NISCH: variants seen among roughly 807,000 people sequenced by gnomAD.
The protein encoded by NISCH is I-1 receptor candidate protein.
Under a neutral mutation model 138.4 loss-of-function variants are expected in NISCH, and 55 were observed. The observed-to-expected ratio is 0.40, with a 90% CI of 0.32 to 0.50. The LOEUF (loss-of-function observed/expected upper bound fraction) is 0.50. Ranked by LOEUF, NISCH falls within the 20% of genes least tolerant of loss-of-function variation. NISCH has a pLI of 0.71. For synonymous variants in NISCH, 860 were observed against 861.5 expected (o/e 1.00, Z 0.03); for missense variants, 1,643 against 2,005.5 (o/e 0.82, Z 3.45).
chr3:52,457,140 CT>C (rs1240354120), intron 1 of NISCH, among the ~76,000 whole-genome samples: 1 of 152,188 alleles, frequency 6.6e-6, no homozygotes, highest in Non-Finnish European at 1.5e-5. Flanking sequence ...GGAACTAAGG[CT>C]CAGAGAGAAC....
chr3:52,489,608 C>A lies in NISCH; in HGVS notation c.3386C>A (p.Pro1129Gln). 6.2e-7 allele frequency: 1 copy of A among 1,613,120 alleles called. No homozygotes were observed. Among genetic ancestry groups the A allele is most frequent in the Admixed American group, 1.7e-5 (1 of 60,030 alleles). Reference sequence around the variant, plus strand: ...ATCCCCTCGCACTTGCCTGCCTGCCCGTCGCTCCGGCACGTCGCCAGCCTG... The same window carrying A: ...ATCCCCTCGCACTTGCCTGCCTGCCAGTCGCTCCGGCACGTCGCCAGCCTG... ...NQIPSHLPAC[P>Q]SLRHVASLRG... Residue 1129 changes from proline (P) to glutamine (Q), a missense_variant, in exon 17 of 21, where the codon CCG becomes CAG. By Grantham distance (76) the Pro-to-Gln change is moderately conservative. Transcript: ENST00000345716.
chr3:52,485,691 G>T, intron 14 of NISCH, 87 bp from the exon 15 acceptor site: 1 of 1,443,832 alleles, frequency 6.9e-7, no homozygotes, highest in Non-Finnish European at 9.5e-7. Flanking sequence ...ATGGAGGGCA[G>T]AATGCCCAGC....
At chr3:52,473,672 A>G (rs1310467737) in intron 6 of NISCH, 62 bp from the exon 7 acceptor site, 8 of 1,220,034 alleles carry the variant, frequency 6.6e-6, no homozygotes, top group Non-Finnish European at 8.3e-6. Flanking sequence ...AAACACCTGC[A>G]TCTGGGGACT....
intron 3 of NISCH, among the ~76,000 whole-genome samples, chr3:52,468,210 G>A (rs1312200796): frequency 6.6e-6 from 1 of 152,144 alleles, no homozygotes; most frequent in Non-Finnish European, 1.5e-5. Flanking sequence ...AGTGAGCCAG[G>A]ATCACGCCAC....
At chr3:52,482,570 C>T (rs1707305336) in intron 13 of NISCH, among the ~76,000 whole-genome samples, 2 of 152,154 alleles carry the variant, frequency 1.3e-5, no homozygotes, top group South Asian at 4.1e-4. Context: ...GTGGACGCAC[C>T]CTACTTCATT....
At position 52,484,541 on chromosome 3, in the gene NISCH, G is replaced by A; in HGVS notation, c.1557G>A (p.Leu519=). The change falls in exon 14 of 21, where the codon CTG becomes CTA. Residue 519 remains leucine, a synonymous_variant. Coordinates refer to ENST00000345716, the MANE Select transcript of NISCH (RefSeq NM_007184.4). ...TCATGTTCGTTCAGGAGGAGGCCCTGGCCAGCAGCCTCTCGTCCACTGACA... is the reference window on the plus strand; with the variant it reads ...TCATGTTCGTTCAGGAGGAGGCCCTAGCCAGCAGCCTCTCGTCCACTGACA... ...QGIMFVQEEA[L]ASSLSSTDSL... is the part of the protein sequence containing the mutation. 1 of 1,597,100 alleles carries A rather than the reference G, an allele frequency of 6.3e-7. No homozygotes were observed. The highest frequency in any genetic ancestry group is 8.5e-7 in the Non-Finnish European group (1 of 1,171,780).
chr3:52,487,988 G>A lies in NISCH; in HGVS notation c.2496G>A (p.Gln832=). Residue 832 remains glutamine, a synonymous_variant, in exon 16 of 21, where the codon CAG becomes CAA. Transcript: ENST00000345716. The surrounding 1 kb of genome is among the most constrained non-coding windows in gnomAD (Gnocchi z 9.1). ...TCTACGGCAGCCACACCAGCCTGCA[G>A]GAGTTCCTGCGCCAGCTGCTCACCT... ...PILYGSHTSL[Q]EFLRQLLTFY... 6.2e-7 allele frequency: 1 copy of A among 1,612,470 alleles called. No homozygotes were observed. Among genetic ancestry groups the A allele is most frequent in the Non-Finnish European group, 8.5e-7 (1 of 1,179,964 alleles).
chr3:52,484,462 T>TTGGCGCCCCCCC, intron 13 of NISCH, 51 bp from the exon 14 acceptor site: 1 of 788,668 alleles, frequency 1.3e-6, no homozygotes, highest in Non-Finnish European at 1.8e-6. Flanking sequence ...ACAGCCGCTC[T>TTGGCGCCCCCCC]CCCCGCCCCA....
At chr3:52,466,212 T>G (rs1706775185) in intron 3 of NISCH, among the ~76,000 whole-genome samples, 1 of 152,188 alleles carries the variant, frequency 6.6e-6, no homozygotes, top group Non-Finnish European at 1.5e-5. Context: ...AGCTTAAAGT[T>G]GAATCACACA....
At chr3:52,469,003 T>C (rs1706864744) in intron 3 of NISCH, among the ~76,000 whole-genome samples, 1 of 152,072 alleles carries the variant, frequency 6.6e-6, no homozygotes, top group African/African-American at 2.4e-5. Flanking sequence ...TGGGAGGAAA[T>C]GTTTACAACA....
intron 13 of NISCH, chr3:52,481,930 C>T (rs770041671): frequency 3.0e-4 from 297 of 985,210 alleles, no homozygotes; most frequent in Non-Finnish European, 3.4e-4. Context: ...ACCTCTCTTT[C>T]CTTTTGGTGA....
chr3:52,489,956 C>A (rs1164516292), intron 17 of NISCH, 119 bp from the exon 18 acceptor site: 4 of 1,387,218 alleles, frequency 2.9e-6, no homozygotes. Flanking sequence ...TTGAAGCATA[C>A]GGATTCATTG....
At chr3:52,465,184 C>T (rs917973185) in intron 3 of NISCH, among the ~76,000 whole-genome samples, 3 of 152,144 alleles carry the variant, frequency 2.0e-5, no homozygotes, top group Non-Finnish European at 4.4e-5. Flanking sequence ...GGCTGGAGTG[C>T]AGTGGCACCA....
chr3:52,489,230 A>G, intron 16 of NISCH, 106 bp from the exon 17 acceptor site: 19 of 1,364,682 alleles, frequency 1.4e-5, no homozygotes, highest in Non-Finnish European at 1.9e-5. Context: ...CCAGTAACCC[A>G]GAGGTGATGT....
At chr3:52,484,784 T>A in intron 14 of NISCH, 147 bp downstream of exon 14, 1 of 804,296 alleles carries the variant, frequency 1.2e-6, no homozygotes. Context: ...ACGGTCTTTC[T>A]CTTGGACCTG....
intron 1 of NISCH, among the ~76,000 whole-genome samples, chr3:52,456,873 G>A (rs1412541985): frequency 2.0e-5 from 3 of 152,178 alleles, no homozygotes; most frequent in Non-Finnish European, 4.4e-5. Flanking sequence ...GCTGATGGCT[G>A]ACTGGCCATC....
At chr3:52,477,692 C>T (rs1222798182) in intron 9 of NISCH, 50 bp downstream of exon 9, 2 of 1,491,104 alleles carry the variant, frequency 1.3e-6, no homozygotes, top group Non-Finnish European at 1.9e-6. Flanking sequence ...CAAGGCCCCG[C>T]CCTGAGATTT....
intron 13 of NISCH, 51 bp from the exon 14 acceptor site, chr3:52,484,462 T>TGGGCCG: frequency 6.3e-6 from 5 of 788,670 alleles, no homozygotes; most frequent in Non-Finnish European, 9.1e-6. Flanking sequence ...ACAGCCGCTC[T>TGGGCCG]CCCCGCCCCA....
intron 1 of NISCH, among the ~76,000 whole-genome samples, chr3:52,456,806 C>G (rs916479640): frequency 2.0e-5 from 3 of 152,204 alleles, no homozygotes; most frequent in African/African-American, 7.2e-5. Context: ...GAGGCTTCAG[C>G]TCCATGCTGC....
Sources: allele counts gnomAD v4.1 joint callset (sites outside exome capture counted in the v4.1 genomes callset), GRCh38; gene constraint gnomAD v4.1.1; non-coding constraint Gnocchi (gnomAD v3.1); transcripts MANE v1.5; gene names NCBI Gene and HGNC (gene_info 2026-07-23, HGNC 2026-07-21).